The following MYH9 variants were observed in gnomAD, a reference collection of about 807,000 sequenced individuals.
MYH9 encodes myosin heavy chain 9.
A neutral mutation model predicts 241.9 loss-of-function variants in MYH9; 29 were observed. The ratio of observed to expected loss-of-function variants is 0.12; its 90% confidence interval spans 0.09 to 0.16. MYH9 has a LOEUF of 0.16. MYH9 is among the 10% of genes least tolerant of loss of function. The pLI, the probability that MYH9 is intolerant of heterozygous loss-of-function variation, is 1.00. For missense variants in MYH9, 1,803 were observed against 2,595.5 expected, an observed-to-expected ratio of 0.69 and a Z score of 6.63; for synonymous variants, 1,047 against 1,062.6, an observed-to-expected ratio of 0.99 and a Z score of 0.29.
rs2016732769 is a variant in MYH9 at position 36,293,112 on chromosome 22, T to TAAAATAGTG, written c.4095+208_4095+216dup. Among the ~76,000 whole-genome samples the TAAAATAGTG allele has an allele frequency of 6.6e-6, 1 of 152,182 alleles. No individual in the cohort carries two copies. The highest frequency in any genetic ancestry group is 2.1e-4 in the South Asian group (1 of 4,828). On this transcript the variant is annotated intron_variant, in intron 30 of 40. Coordinates refer to ENST00000216181, the MANE Select transcript of MYH9 (RefSeq NM_002473.6). The surrounding 1 kb of genome is among the most constrained non-coding windows in gnomAD (Gnocchi z 5.1). ...CTAAAGACTGGTGAAAATAAAGGTGTAAAATAGTGAAAATAGTGGTGTCCC... is the reference window on the plus strand; with the variant it reads ...CTAAAGACTGGTGAAAATAAAGGTGTAAAATAGTGAAAATAGTGAAAATAGTGGTGTCCC...
chr22:36,354,723 C>T (rs1156903749), intron 1 of MYH9, among the ~76,000 whole-genome samples: 1 of 151,856 alleles, frequency 6.6e-6, no homozygotes, highest in African/African-American at 2.4e-5. Context: ...GGCTTACAGG[C>T]GTGAGCCACC....
At chr22:36,369,280 G>A (rs1375714410) in intron 1 of MYH9, among the ~76,000 whole-genome samples, 4 of 152,246 alleles carry the variant, frequency 2.6e-5, no homozygotes, top group African/African-American at 9.6e-5. Context: ...AGGGGAAGAC[G>A]TTGAGGTGCT....
intron 9 of MYH9, 150 bp from the exon 10 acceptor site, chr22:36,319,785 G>T: frequency 2.5e-6 from 2 of 800,064 alleles, no homozygotes; most frequent in Middle Eastern, 3.0e-4. Flanking sequence ...CCAGGTCTGC[G>T]TCTAACGGTG....
chr22:36,332,640 C>G (rs887851298), intron 3 of MYH9, among the ~76,000 whole-genome samples: 1 of 144,798 alleles, frequency 6.9e-6, no homozygotes, highest in Non-Finnish European at 1.5e-5. Flanking sequence ...TAGCCCTCCC[C>G]CTCCAGACAC....
chr22:36,292,394 C>T (rs2016720655), intron 30 of MYH9, among the ~76,000 whole-genome samples, 160 bp from the exon 31 acceptor site: 1 of 152,214 alleles, frequency 6.6e-6, no homozygotes, highest in Non-Finnish European at 1.5e-5. Flanking sequence ...TCCCTCTCCA[C>T]AGGGGCGAGA....
In MYH9 at chr22:36,291,180, A is replaced by G. The variant is rs1340186424; in HGVS notation, c.4344+806T>C. Among the ~76,000 whole-genome samples the G allele has an allele frequency of 2.0e-5, 3 of 152,008 alleles. No homozygotes were observed. In the East Asian group the frequency reaches 5.8e-4, roughly 29 times the overall value. On this transcript the variant is annotated intron_variant, in intron 31 of 40. Coordinates refer to ENST00000216181, the MANE Select transcript of MYH9 (RefSeq NM_002473.6). ...GGCCACCACCCCGTCTGGGAGGTGT[A>G]CCCAACAGCTCATTGATAGCGGGCC...
Position 36,320,127 on chromosome 22 carries a change from T to G in MYH9, c.1012+93A>C, listed in dbSNP as rs902664455. 10 of 1,571,444 alleles carry G rather than the reference T, an allele frequency of 6.4e-6. No individual in the cohort carries two copies. In the African/African-American group the frequency reaches 1.4e-4, roughly 22 times the overall value. ...CCCCTTCCCCTGGCCTCTAGCAGGC[T>G]CCCCAGGCCCATCGGCTACCCTGAT... On this transcript the variant is annotated intron_variant, in intron 9 of 40. Transcript: ENST00000216181. The surrounding 1 kb of genome is among the most constrained non-coding windows in gnomAD (Gnocchi z 4.8).
At chr22:36,375,205 T>A (rs976348589) in intron 1 of MYH9, among the ~76,000 whole-genome samples, 1 of 151,986 alleles carries the variant, frequency 6.6e-6, no homozygotes, top group South Asian at 2.1e-4. Flanking sequence ...AGATGGCTGA[T>A]GTCAAGAGCT....
Position 36,300,310 on chromosome 22 carries a change from TGGCCAA to T in MYH9, c.2839-52_2839-47del, listed in dbSNP as rs1569535190. 1 of 1,608,246 alleles carries T rather than the reference TGGCCAA, an allele frequency of 6.2e-7. No homozygotes were observed. The highest frequency in any genetic ancestry group is 1.1e-5 in the South Asian group (1 of 91,076). On this transcript the variant is annotated intron_variant, in intron 22 of 40. Coordinates refer to ENST00000216181, the MANE Select transcript of MYH9 (RefSeq NM_002473.6). This position sits in a 1 kb window ranked among gnomAD's most constrained non-coding sequence, Gnocchi z 5.0. ...GGTAAGGACAGCAGGCCCAGAGGCA[TGGCCAA>T]GGTGAAGGCAGCAAGGTCCGAAGGC... is the stretch of plus-strand genomic sequence containing the variant.
At position 36,283,220 on chromosome 22, in the gene MYH9, C is replaced by T. The variant is rs1258984556; in HGVS notation, c.5766-435G>A. Among the ~76,000 whole-genome samples, 4 of 152,252 alleles carry T rather than the reference C, an allele frequency of 2.6e-5. 1 individual carries two copies. In the South Asian group the frequency reaches 6.2e-4, roughly 24 times the overall value. ...CATGGCAGAAAATTCATATACAATA[C>T]TGACTACTTATGCTTACAAAAAGAG... On this transcript the variant is annotated intron_variant, in intron 40 of 40. Transcript: ENST00000216181.
In MYH9 at chr22:36,319,533, G is replaced by C; in HGVS notation, c.1108+7C>G. 2.5e-6 allele frequency: 4 copies of C among 1,613,950 alleles called. No homozygotes were observed. Among genetic ancestry groups the C allele is most frequent in the Non-Finnish European group, 3.4e-6 (4 of 1,179,840 alleles). On this transcript the variant is annotated splice_region_variant and intron_variant, in intron 10 of 40. Coordinates refer to ENST00000216181, the MANE Select transcript of MYH9 (RefSeq NM_002473.6). ...CATTATTTCCAGCGAGAGGCCCCGG[G>C]TGTTACCTGTGTTGTCGGGCATGGA... is the stretch of plus-strand genomic sequence containing the variant.
intron 1 of MYH9, among the ~76,000 whole-genome samples, chr22:36,377,927 A>G (rs1194071010): frequency 6.6e-6 from 1 of 151,850 alleles, no homozygotes; most frequent in African/African-American, 2.4e-5. Flanking sequence ...ACAAAAAAAA[A>G]CTTGAACGTG....
At chr22:36,321,234 T>A (rs2017246042) in intron 7 of MYH9, among the ~76,000 whole-genome samples, 1 of 152,206 alleles carries the variant, frequency 6.6e-6, no homozygotes, top group African/African-American at 2.4e-5. Flanking sequence ...CGTGAGCCAC[T>A]GTGCCTGGCC....
intron 1 of MYH9, among the ~76,000 whole-genome samples, chr22:36,383,275 G>T (rs1312974791): frequency 6.6e-6 from 1 of 152,190 alleles, no homozygotes; most frequent in Non-Finnish European, 1.5e-5. Context: ...CAGAGCCAGA[G>T]TTGGAAGTAA....
chr22:36,335,451 G>A (rs2017483852), intron 3 of MYH9, among the ~76,000 whole-genome samples: 1 of 152,234 alleles, frequency 6.6e-6, no homozygotes. Context: ...TCCTGCTTCA[G>A]CAGAGTCATC....
intron 13 of MYH9, among the ~76,000 whole-genome samples, chr22:36,313,758 G>A (rs1327930871): frequency 1.3e-5 from 2 of 152,156 alleles, no homozygotes; most frequent in Non-Finnish European, 2.9e-5. Flanking sequence ...AGTGAAAGCA[G>A]CCCGCGATAG....
chr22:36,321,653 C>T, intron 7 of MYH9, 105 bp downstream of exon 7: 2 of 1,068,708 alleles, frequency 1.9e-6, no homozygotes, highest in South Asian at 2.5e-5. Flanking sequence ...TCAGGATGGG[C>T]CCATAAAGGG....
At position 36,293,680 on chromosome 22, in the gene MYH9, G is replaced by C. The variant is rs2016741854; in HGVS notation, c.3942+79C>G. On this transcript the variant is annotated intron_variant, in intron 29 of 40. Transcript: ENST00000216181. The surrounding 1 kb of genome is among the most constrained non-coding windows in gnomAD (Gnocchi z 5.1). ...GAAGGAGAGGATGGGCAATCCGATG[G>C]GCTCTGAAGCTAATGTTGCGTGGAC... is the stretch of plus-strand genomic sequence containing the variant. The C allele has an allele frequency of 1.4e-6, 2 of 1,398,862 alleles. No individual in the cohort carries two copies. The highest frequency in any genetic ancestry group is 1.2e-5 in the South Asian group (1 of 85,228). 86.7% of individuals were successfully genotyped at this position (1,398,862 alleles called of 1,614,324 possible).
intron 11 of MYH9, among the ~76,000 whole-genome samples, chr22:36,317,717 G>A (rs543268624): frequency 4.5e-4 from 69 of 152,366 alleles, no homozygotes; most frequent in African/African-American, 1.7e-3. Context: ...CCAGGGGCAG[G>A]CAGGCACATC....
Sources: allele counts gnomAD v4.1 joint callset (sites outside exome capture counted in the v4.1 genomes callset), GRCh38; gene constraint gnomAD v4.1.1; non-coding constraint Gnocchi (gnomAD v3.1); transcripts MANE v1.5; gene names NCBI Gene and HGNC (gene_info 2026-07-23, HGNC 2026-07-21).